MDM4: variants seen among roughly 807,000 people sequenced by gnomAD.
MDM4 encodes MDM4 regulator of p53, also known as protein Mdm4.
MDM4 carries 2 observed loss-of-function variants against 60.2 expected under a neutral mutation model. The ratio of observed to expected loss-of-function variants is 0.03; its 90% CI spans 0.01 to 0.10. The LOEUF (loss-of-function observed/expected upper bound fraction) is 0.10. Ranked by LOEUF, MDM4 falls within the 10% of genes least tolerant of loss-of-function variation. The pLI is 1.00. For synonymous variants in MDM4, 202 were observed against 198.1 expected (o/e 1.02, Z -0.17); for missense variants, 447 against 577.5 (o/e 0.77, Z 2.32).
In MDM4 at chr1:204,554,808, G is replaced by C. The variant is rs1490476171; in HGVS notation, c.*5126G>C. On this transcript the variant is annotated 3_prime_UTR_variant, in exon 11 of 11. Coordinates refer to ENST00000367182, the MANE Select transcript of MDM4 (RefSeq NM_002393.5). ...CCATTGCTATATTCTCCCTTTATAG[G>C]AGCCATTGGATTTCTTTCCTTTTGT... The C allele has an allele frequency of 4.4e-6, 1 of 225,626 alleles. No homozygotes were observed. Among genetic ancestry groups the C allele is most frequent in the Non-Finnish European group, 8.8e-6 (1 of 113,564 alleles). 14.0% of individuals were successfully genotyped at this position (225,626 alleles called of 1,614,324 possible). A position where few individuals can be genotyped will look rare whatever the true frequency, so the allele number is the denominator to read the frequency against.
At chr1:204,532,420 T>C in intron 5 of MDM4, 174 bp downstream of exon 5, 2 of 585,680 alleles carry the variant, frequency 3.4e-6, no homozygotes, top group Non-Finnish European at 6.0e-6. Flanking sequence ...TACTGAAAAA[T>C]CAAACATAGA....
At chr1:204,543,551 C>A (rs1287541699) in intron 8 of MDM4, among the ~76,000 whole-genome samples, 1 of 152,108 alleles carries the variant, frequency 6.6e-6, no homozygotes, top group Non-Finnish European at 1.5e-5. Context: ...GAACACTGTT[C>A]CCCCACATTC....
chr1:204,557,164 A>G lies in MDM4; in HGVS notation c.*7482A>G, dbSNP rs1294388772. 5.1e-6 allele frequency: 1 copy of G among 196,722 alleles called. No homozygotes were observed. The highest frequency in any genetic ancestry group is 7.9e-5 in the East Asian group (1 of 12,706). 12.2% of individuals were successfully genotyped at this position (196,722 alleles called of 1,614,324 possible). A position where few individuals can be genotyped will look rare whatever the true frequency, so the allele number is the denominator to read the frequency against. Reference sequence around the variant, plus strand: ...TGGTGTACCAAGCTCTGGGGTATATATTCAGAATACCTCATGTTCTGGAAG... The same window carrying G: ...TGGTGTACCAAGCTCTGGGGTATATGTTCAGAATACCTCATGTTCTGGAAG... On this transcript the variant is annotated 3_prime_UTR_variant, in exon 11 of 11. Transcript: ENST00000367182.
At chr1:204,530,881 G>T in intron 4 of MDM4, 64 bp downstream of exon 4, 1 of 1,597,574 alleles carries the variant, frequency 6.3e-7, no homozygotes, top group Non-Finnish European at 8.6e-7. Context: ...AATTTCTATG[G>T]GTTATTAATA....
At chr1:204,537,738 T>TA in intron 6 of MDM4, 1 of 599,248 alleles carries the variant, frequency 1.7e-6, no homozygotes. Context: ...CAGTTGCATT[T>TA]TTCTTTGGGT....
intron 3 of MDM4, chr1:204,529,007 G>A: frequency 6.6e-7 from 1 of 1,525,124 alleles, no homozygotes; most frequent in African/African-American, 1.4e-5. Context: ...CAGAGCGTGG[G>A]CAGTAGCTGG....
At chr1:204,537,977 G>T in intron 6 of MDM4, 1 of 742,926 alleles carries the variant, frequency 1.3e-6, no homozygotes, top group East Asian at 2.6e-5. Flanking sequence ...AGTAGATTTT[G>T]GCCTTTGTGC....
chr1:204,531,440 T>C (rs879273729), intron 4 of MDM4, among the ~76,000 whole-genome samples: 4 of 152,206 alleles, frequency 2.6e-5, no homozygotes, highest in East Asian at 1.9e-4. Flanking sequence ...GTGTAAGTTA[T>C]TAGCTTATAT....
At chr1:204,537,345 C>G (rs1468458254) in intron 5 of MDM4, 85 bp from the exon 6 acceptor site, 1 of 990,112 alleles carries the variant, frequency 1.0e-6, no homozygotes, top group East Asian at 2.4e-5. Context: ...AACCTGGCTC[C>G]CGGGTTGTTT....
At chr1:204,536,544 C>T (rs926844951) in intron 5 of MDM4, among the ~76,000 whole-genome samples, 1 of 152,142 alleles carries the variant, frequency 6.6e-6, no homozygotes, top group African/African-American at 2.4e-5. Flanking sequence ...GGTTGGTGAA[C>T]CTGACCCACA....
chr1:204,557,191 T>C lies in MDM4; in HGVS notation c.*7509T>C. 1 of 194,742 alleles carries C rather than the reference T, an allele frequency of 5.1e-6. No homozygotes were observed. Among genetic ancestry groups the C allele is most frequent in the Non-Finnish European group, 1.1e-5 (1 of 93,500 alleles). 12.1% of individuals were successfully genotyped at this position (194,742 alleles called of 1,614,324 possible). A position where few individuals can be genotyped will look rare whatever the true frequency, so the allele number is the denominator to read the frequency against. ...TCAGAATACCTCATGTTCTGGAAGCTGAGCACTAGCTCCCCTTTATTGCCT... is the reference window on the plus strand; with the variant it reads ...TCAGAATACCTCATGTTCTGGAAGCCGAGCACTAGCTCCCCTTTATTGCCT... On this transcript the variant is annotated 3_prime_UTR_variant, in exon 11 of 11. Coordinates refer to ENST00000367182, the MANE Select transcript of MDM4 (RefSeq NM_002393.5).
chr1:204,525,964 TG>T (rs888053699), intron 2 of MDM4, among the ~76,000 whole-genome samples: 36 of 149,990 alleles, frequency 2.4e-4, no homozygotes, highest in Admixed American at 2.2e-3. Context: ...GTAGGGGAGG[TG>T]GGGGTTGTGC....
At chr1:204,533,001 T>G (rs1661026455) in intron 5 of MDM4, among the ~76,000 whole-genome samples, 1 of 152,254 alleles carries the variant, frequency 6.6e-6, no homozygotes. Context: ...GTCAGTCATG[T>G]TAATAATCTG....
At chr1:204,539,547 T>G (rs1471089064) in intron 7 of MDM4, among the ~76,000 whole-genome samples, 1 of 150,964 alleles carries the variant, frequency 6.6e-6, no homozygotes, top group African/African-American at 2.4e-5. Context: ...TTGTTTTTTT[T>G]TTTTTGAGAC....
chr1:204,537,356 G>C, intron 5 of MDM4, 74 bp from the exon 6 acceptor site: 1 of 1,169,948 alleles, frequency 8.5e-7, no homozygotes. Context: ...CGGGTTGTTT[G>C]CTGAGGTCCT....
Position 204,537,424 on chromosome 1 carries a change from A to G in MDM4, c.344-6A>G, listed in dbSNP as rs747624395. The G allele has an allele frequency of 6.2e-7, 1 of 1,611,668 alleles. No individual in the cohort carries two copies. Among genetic ancestry groups the G allele is most frequent in the African/African-American group, 1.3e-5 (1 of 74,852 alleles). On this transcript the variant is annotated splice_polypyrimidine_tract_variant and splice_region_variant and intron_variant, in intron 5 of 10. Transcript: ENST00000367182. ...AGGTTTTCCTTTTGTTTTACTTGCT[A>G]TCCAGATGCTGCTCAGACTCTCGCT...
Position 204,525,471 on chromosome 1 carries a change from T to A in MDM4, c.-35-13T>A. ...CATTAGAATAGATGTTATAAATTTT[T>A]TTTTCTATTTAGTTTTACCAACAGA... On this transcript the variant is annotated splice_polypyrimidine_tract_variant and intron_variant, in intron 1 of 10. Coordinates refer to ENST00000367182, the MANE Select transcript of MDM4 (RefSeq NM_002393.5). 2 of 1,568,000 alleles carry A rather than the reference T, an allele frequency of 1.3e-6. No individual in the cohort carries two copies. Among genetic ancestry groups the A allele is most frequent in the Non-Finnish European group, 1.7e-6 (2 of 1,164,592 alleles).
At position 204,553,950 on chromosome 1, in the gene MDM4, C is replaced by A. The variant is rs982339690; in HGVS notation, c.*4268C>A. On this transcript the variant is annotated 3_prime_UTR_variant, in exon 11 of 11. Coordinates refer to ENST00000367182, the MANE Select transcript of MDM4 (RefSeq NM_002393.5). ...CCAGCCTCCACACTGCCACTAACTT[C>A]TGTAATGTAAGATTGAGTCACTGCC... The A allele has an allele frequency of 8.9e-6, 2 of 224,808 alleles. No homozygotes were observed. Among genetic ancestry groups the A allele is most frequent in the Non-Finnish European group, 8.9e-6 (1 of 112,888 alleles). 13.9% of individuals were successfully genotyped at this position (224,808 alleles called of 1,614,324 possible).
At chr1:204,525,894 C>T (rs998928566) in intron 2 of MDM4, among the ~76,000 whole-genome samples, 1 of 151,996 alleles carries the variant, frequency 6.6e-6, no homozygotes, top group Non-Finnish European at 1.5e-5. Flanking sequence ...GAATTATGAT[C>T]ACAACCAGTG....
Sources: allele counts gnomAD v4.1 joint callset (sites outside exome capture counted in the v4.1 genomes callset), GRCh38; gene constraint gnomAD v4.1.1; transcripts MANE v1.5; gene names NCBI Gene and HGNC (gene_info 2026-07-23, HGNC 2026-07-21).